Variants in CHN2 observed in about 807,000 individuals in gnomAD.
The protein encoded by CHN2 is chimerin 2, also known as beta-chimaerin.
CHN2 carries 35 observed loss-of-function variants against 56.3 expected under a neutral mutation model. The observed-to-expected ratio is 0.62, with a 90% CI of 0.47 to 0.82. CHN2 has a LOEUF of 0.82. CHN2 is among the 40% of genes least tolerant of loss of function. The probability of loss-of-function intolerance (pLI) is 0.00; values close to 1 mark genes in which losing one functional copy is unlikely to be tolerated. For synonymous variants in CHN2, 210 were observed against 212.8 expected, an observed-to-expected ratio of 0.99 and a Z score of 0.12; for missense variants, 491 against 580.5, an observed-to-expected ratio of 0.85 and a Z score of 1.58.
intron 1 of CHN2, among the ~76,000 whole-genome samples, chr7:29,276,328 G>A (rs1464788582): frequency 6.6e-6 from 1 of 152,202 alleles, no homozygotes; most frequent in Non-Finnish European, 1.5e-5. Context: ...TCCAGGGTGT[G>A]GAGGGATGCA....
intron 3 of CHN2, among the ~76,000 whole-genome samples, chr7:29,385,547 A>ACAGCC (rs982765608): frequency 1.3e-5 from 2 of 152,166 alleles, no homozygotes; most frequent in Non-Finnish European, 2.9e-5. Flanking sequence ...TATGCTAAGG[A>ACAGCC]CAGGAGGTCC....
chr7:29,313,144 G>A lies in CHN2; in HGVS notation c.50-41481G>A, dbSNP rs972393554. On this transcript the variant is annotated intron_variant, in intron 1 of 12. Coordinates refer to ENST00000222792, the MANE Select transcript of CHN2 (RefSeq NM_004067.4). ...GTCCACTCAATTCTTTAATTCTTTC[G>A]TAGATTTCCAGCCTCACTGAACCAG... Among the ~76,000 whole-genome samples, 5 of 151,980 alleles carry A rather than the reference G, an allele frequency of 3.3e-5. No homozygotes were observed. In the East Asian group the frequency reaches 7.7e-4, roughly 24 times the overall value.
rs1232824314 is a variant in CHN2, at chr7:29,335,799, C to T, written c.50-18826C>T. On this transcript the variant is annotated intron_variant, in intron 1 of 12. Coordinates refer to ENST00000222792, the MANE Select transcript of CHN2 (RefSeq NM_004067.4). The stretch of plus-strand genomic sequence containing the variant: ...GCACTGTGCACTGTAAAAGCAGTAC[C>T]AATGGCTGTGCAGACATTCCTAAAG... 5.3e-5 allele frequency: 8 copies of T among 152,218 alleles called. No individual in the cohort carries two copies. The South Asian group carries it at 6.2e-4, about 12-fold the overall frequency. 9.4% of individuals were successfully genotyped at this position (152,218 alleles called of 1,614,324 possible). A position where few individuals can be genotyped will look rare whatever the true frequency, so the allele number is the denominator to read the frequency against.
chr7:29,192,071 G>A (rs1171771666), upstream of CHN2: 5 of 152,342 alleles, frequency 3.3e-5, no homozygotes, highest in Non-Finnish European at 2.9e-5. Flanking sequence ...TGAACCTGGA[G>A]CTTTCTGTTT....
intron 8 of CHN2, 79 bp downstream of exon 8, chr7:29,496,115 G>T: frequency 1.6e-6 from 2 of 1,220,948 alleles, no homozygotes. Flanking sequence ...CCAGAGCTGG[G>T]AAATGTGCTC....
intron 6 of CHN2, among the ~76,000 whole-genome samples, chr7:29,472,037 A>G (rs1786096537): frequency 6.6e-6 from 1 of 152,184 alleles, no homozygotes; most frequent in Admixed American, 6.5e-5. Flanking sequence ...GCAGTATGCA[A>G]GAGGGTTCAA....
chr7:29,499,354 C>T (rs1460635167), intron 8 of CHN2, among the ~76,000 whole-genome samples: 1 of 152,120 alleles, frequency 6.6e-6, no homozygotes. Flanking sequence ...TATGGGGCAA[C>T]CTTCCAGGAA....
rs190518564 is a variant in CHN2, at chr7:29,409,821, G to A, written c.576+8993G>A. On this transcript the variant is annotated intron_variant, in intron 6 of 12. Coordinates refer to ENST00000222792, the MANE Select transcript of CHN2 (RefSeq NM_004067.4). ...TTGGTGGGCCACAGTTTGATGAAGA[G>A]CCCAGCTTTTCAAGATGTTTATATT... Among the ~76,000 whole-genome samples, 18 of 152,328 alleles carry A rather than the reference G, an allele frequency of 1.2e-4. No homozygotes were observed. In the East Asian group the frequency reaches 3.5e-3, roughly 29 times the overall value.
intron 1 of CHN2, among the ~76,000 whole-genome samples, chr7:29,326,430 A>G (rs1795808525): frequency 6.6e-6 from 1 of 152,192 alleles, no homozygotes; most frequent in South Asian, 2.1e-4. Context: ...TGTTGGGATT[A>G]CAGGTGTCAG....
chr7:29,496,287 C>T (rs757495924), intron 8 of CHN2, among the ~76,000 whole-genome samples: 2 of 151,730 alleles, frequency 1.3e-5, no homozygotes, highest in Non-Finnish European at 2.9e-5. Context: ...ACCTACCTGC[C>T]TCTTACAATA....
rs186308936 is a variant in CHN2, at chr7:29,348,151, G to T, written c.50-6474G>T. On this transcript the variant is annotated intron_variant, in intron 1 of 12. Transcript: ENST00000222792. ...TGCTGTGCTCTTGAACCAGGAAGATGAGCTTTTATGCCACCTATTCCCTAT... is the reference window on the plus strand; with the variant it reads ...TGCTGTGCTCTTGAACCAGGAAGATTAGCTTTTATGCCACCTATTCCCTAT... 4.6e-5 allele frequency among the ~76,000 whole-genome samples: 7 copies of T among 152,310 alleles called. No homozygotes were observed. The East Asian group carries it at 1.4e-3, about 29-fold the overall frequency.
At chr7:29,481,002 A>G (rs1787150819) in intron 7 of CHN2, among the ~76,000 whole-genome samples, 1 of 152,214 alleles carries the variant, frequency 6.6e-6, no homozygotes, top group Admixed American at 6.5e-5. Flanking sequence ...TATAAACTGG[A>G]AAGACCGCTA....
At chr7:29,199,029 C>A (rs1783950059) in intron 1 of CHN2, among the ~76,000 whole-genome samples, 1 of 152,176 alleles carries the variant, frequency 6.6e-6, no homozygotes, top group Admixed American at 6.5e-5. Flanking sequence ...GTGCAGTCTT[C>A]AAAACCTTAA....
intron 1 of CHN2, among the ~76,000 whole-genome samples, chr7:29,263,364 A>G (rs1278624768): frequency 6.6e-6 from 1 of 151,932 alleles, no homozygotes; most frequent in Admixed American, 6.6e-5. Flanking sequence ...CAGTGGCGTG[A>G]TCTCGGATCG....
chr7:29,161,630 A>G (rs547398273), intron 2 of CHN2, among the ~76,000 whole-genome samples: 90 of 152,250 alleles, frequency 5.9e-4, no homozygotes, highest in Non-Finnish European at 1.0e-3. Flanking sequence ...CACGATGGGT[A>G]GACTGGCCTT....
At chr7:29,342,403 T>G (rs1447781323) in intron 1 of CHN2, among the ~76,000 whole-genome samples, 1 of 152,204 alleles carries the variant, frequency 6.6e-6, no homozygotes, top group Non-Finnish European at 1.5e-5. Flanking sequence ...CAGGACTACT[T>G]GACTCCGAAT....
At chr7:29,365,561 T>C (rs1055326730) in intron 2 of CHN2, among the ~76,000 whole-genome samples, 1 of 152,048 alleles carries the variant, frequency 6.6e-6, no homozygotes, top group African/African-American at 2.4e-5. Flanking sequence ...AAGGACATGA[T>C]GATAAGGGGC....
intron 3 of CHN2, among the ~76,000 whole-genome samples, chr7:29,377,257 C>A (rs1585202430): frequency 6.6e-6 from 1 of 152,190 alleles, no homozygotes; most frequent in African/African-American, 2.4e-5. Context: ...CTCCTTACAT[C>A]AGGTGATCCA....
intron 9 of CHN2, among the ~76,000 whole-genome samples, chr7:29,501,010 C>T (rs1214081724): frequency 6.6e-6 from 1 of 152,156 alleles, no homozygotes. Context: ...TTCTATAAGG[C>T]TTAAACCACT....
Sources: gnomAD v4.1 joint callset for allele counts (sites outside exome capture counted in the v4.1 genomes callset) on GRCh38, gnomAD v4.1.1 for gene constraint, MANE v1.5 for transcripts, NCBI Gene and HGNC (gene_info 2026-07-23, HGNC 2026-07-21) for gene names.